CDH18: variants seen among roughly 807,000 people sequenced by gnomAD.
The protein encoded by CDH18 is cadherin-18.
A neutral mutation model predicts 67.9 loss-of-function variants in CDH18; 31 were observed. That is an observed-to-expected ratio of 0.46 (90% CI 0.34 to 0.62). CDH18 has a LOEUF of 0.62. Among genes scored for constraint, CDH18 ranks in the 20% least tolerant of loss-of-function variants. The pLI is 0.01. For missense variants in CDH18, 890 were observed against 975.5 expected (o/e 0.91, Z 1.17); for synonymous variants, 362 against 347.2 (o/e 1.04, Z -0.48).
chr5:20,191,437 A>T (rs1738531010), intron 2 of CDH18, among the ~76,000 whole-genome samples: 1 of 151,862 alleles, frequency 6.6e-6, no homozygotes, highest in African/African-American at 2.4e-5. Context: ...CAGAACATGA[A>T]TTTTTGTTAC....
chr5:20,348,533 T>G (rs942980635), intron 1 of CDH18, among the ~76,000 whole-genome samples: 1 of 152,158 alleles, frequency 6.6e-6, no homozygotes, highest in African/African-American at 2.4e-5. Flanking sequence ...CTGACAAAGA[T>G]AGGAAAAAAC....
intron 2 of CDH18, among the ~76,000 whole-genome samples, chr5:20,138,068 A>G (rs1749892162): frequency 6.6e-6 from 1 of 152,182 alleles, no homozygotes; most frequent in African/African-American, 2.4e-5. Flanking sequence ...ATCCTCAATA[A>G]AATACTGGCA....
chr5:19,498,995 T>A (rs1742795024), intron 11 of CDH18, among the ~76,000 whole-genome samples: 1 of 152,158 alleles, frequency 6.6e-6, no homozygotes, highest in South Asian at 2.1e-4. Context: ...GTGCAAGATG[T>A]CTTTGAGAAC....
intron 1 of CDH18, among the ~76,000 whole-genome samples, chr5:20,537,666 C>T (rs1484649333): frequency 6.6e-6 from 1 of 152,044 alleles, no homozygotes; most frequent in Admixed American, 6.6e-5. Flanking sequence ...ACTATTCAAA[C>T]ACTGAACAGC....
intron 1 of CDH18, among the ~76,000 whole-genome samples, chr5:20,438,151 T>C (rs943516518): frequency 1.3e-5 from 2 of 151,038 alleles, no homozygotes; most frequent in Non-Finnish European, 3.0e-5. Context: ...ATCATCCCTA[T>C]TCACGAATAA....
Position 19,880,063 on chromosome 5 carries a change from T to C in CDH18, c.-256-40821A>G, listed in dbSNP as rs1022542872. On this transcript the variant is annotated intron_variant, in intron 2 of 12. Transcript: ENST00000382275. ...TACATTTGACATTGTAGAAATAATATGTTCCCAGAGTGTAGTATGAACCAG... is the reference window on the plus strand; with the variant it reads ...TACATTTGACATTGTAGAAATAATACGTTCCCAGAGTGTAGTATGAACCAG... Among the ~76,000 whole-genome samples the C allele has an allele frequency of 2.6e-5, 4 of 151,978 alleles. No homozygotes were observed. The East Asian group carries it at 5.8e-4, about 22-fold the overall frequency.
rs1781984891 is a variant in CDH18, at chr5:19,838,977, T to A, written c.10A>T (p.Thr4Ser). The change falls in exon 3 of 13, where the codon ACT (threonine) becomes TCT (serine). Residue 4 changes from threonine (T) to serine (S), a missense_variant. Physicochemically the swap from Thr to Ser is moderately conservative, Grantham distance 58. Transcript: ENST00000382275. ...ACTGGACAGATGCAAGATGTGCTAG[T>A]AATTTTCATTGTAAGATAACTTTCC... MKI[T>S]STSCICPVLV... 6.2e-7 allele frequency: 1 copy of A among 1,610,976 alleles called. No homozygotes were observed. The highest frequency in any genetic ancestry group is 2.2e-5 in the East Asian group (1 of 44,800).
intron 2 of CDH18, among the ~76,000 whole-genome samples, chr5:20,088,445 T>G (rs1444445707): frequency 6.6e-6 from 1 of 152,196 alleles, no homozygotes; most frequent in Non-Finnish European, 1.5e-5. Flanking sequence ...AAAATACTTC[T>G]CATTTTTGGA....
intron 10 of CDH18, among the ~76,000 whole-genome samples, chr5:19,515,651 T>C (rs888709903): frequency 1.3e-5 from 2 of 152,184 alleles, no homozygotes; most frequent in Non-Finnish European, 2.9e-5. Flanking sequence ...GCCTTTTGTT[T>C]GTCTGTTACT....
At chr5:19,669,294 A>T (rs961892071) in intron 5 of CDH18, among the ~76,000 whole-genome samples, 1 of 145,908 alleles carries the variant, frequency 6.9e-6, no homozygotes, top group Non-Finnish European at 1.5e-5. Flanking sequence ...AATATTATAT[A>T]ATATATATAT....
chr5:20,145,051 T>C (rs537158416), intron 2 of CDH18, among the ~76,000 whole-genome samples: 1 of 152,222 alleles, frequency 6.6e-6, no homozygotes, highest in South Asian at 2.1e-4. Context: ...GACAACACAT[T>C]CTGTTGTTTC....
chr5:20,030,078 G>T (rs1054316023), intron 2 of CDH18, among the ~76,000 whole-genome samples: 14 of 152,128 alleles, frequency 9.2e-5, no homozygotes, highest in Non-Finnish European at 1.3e-4. Flanking sequence ...TCCAGCCAAA[G>T]GCTTGTCATT....
chr5:20,321,749 T>C (rs1738044103), intron 1 of CDH18, among the ~76,000 whole-genome samples: 1 of 152,122 alleles, frequency 6.6e-6, no homozygotes, highest in African/African-American at 2.4e-5. Context: ...ATCATAGCTA[T>C]TGTCCCCTGT....
At chr5:20,176,666 T>C (rs1038571919) in intron 2 of CDH18, among the ~76,000 whole-genome samples, 2 of 152,204 alleles carry the variant, frequency 1.3e-5, no homozygotes, top group South Asian at 4.1e-4. Context: ...CTGAGTTGAA[T>C]GTATTTGGAA....
intron 2 of CDH18, among the ~76,000 whole-genome samples, chr5:20,102,506 T>A (rs1476361083): frequency 1.3e-5 from 2 of 152,178 alleles, no homozygotes; most frequent in Admixed American, 6.6e-5. Flanking sequence ...CTAAGCTGAA[T>A]GCCTGAGGAG....
At position 19,634,881 on chromosome 5, in the gene CDH18, G is replaced by A. The variant is rs943276824; in HGVS notation, c.644-22280C>T. Among the ~76,000 whole-genome samples, 103 of 150,054 alleles carry A rather than the reference G, an allele frequency of 6.9e-4. 1 individual carries two copies. Among genetic ancestry groups the A allele is most frequent in the Non-Finnish European group, 2.4e-4 (16 of 67,792 alleles). On this transcript the variant is annotated intron_variant, in intron 5 of 12. Transcript: ENST00000382275. ...GAACCCGGGAGGCGGAGGTTGCAATGAGCAGAGATCACACCATTGCACTCC... is the reference window on the plus strand; with the variant it reads ...GAACCCGGGAGGCGGAGGTTGCAATAAGCAGAGATCACACCATTGCACTCC...
intron 9 of CDH18, among the ~76,000 whole-genome samples, chr5:19,525,241 G>A (rs749965089): frequency 6.6e-6 from 1 of 152,106 alleles, no homozygotes; most frequent in Non-Finnish European, 1.5e-5. Context: ...TTTCCCCTGG[G>A]ACTGGAATGT....
chr5:19,628,683 G>GAC (rs1351861330), intron 5 of CDH18, among the ~76,000 whole-genome samples: 1 of 152,100 alleles, frequency 6.6e-6, no homozygotes, highest in East Asian at 1.9e-4. Context: ...TCTACTCTGA[G>GAC]ATTATGTCTC....
intron 2 of CDH18, among the ~76,000 whole-genome samples, chr5:19,951,418 A>C (rs535936238): frequency 6.6e-6 from 1 of 152,256 alleles, no homozygotes; most frequent in African/African-American, 2.4e-5. Context: ...TTTTTTCTCT[A>C]ACAAATATGT....
Sources: allele counts gnomAD v4.1 joint callset (sites outside exome capture counted in the v4.1 genomes callset), GRCh38; gene constraint gnomAD v4.1.1; transcripts MANE v1.5; gene names NCBI Gene and HGNC (gene_info 2026-07-23, HGNC 2026-07-21).